STMP1: variants seen among roughly 807,000 people sequenced by gnomAD.
STMP1 encodes the protein mitolamban.
STMP1 carries 7 observed loss-of-function variants against 7.0 expected under a neutral mutation model. That is an observed-to-expected ratio of 1.01 (90% CI 0.57 to 1.89). The LOEUF (loss-of-function observed/expected upper bound fraction) is 1.89. Among genes scored for constraint, STMP1 ranks in the 40% most tolerant of loss-of-function variants. The pLI is 0.00. For synonymous variants in STMP1, 19 were observed against 18.4 expected, an observed-to-expected ratio of 1.03 and a Z score of -0.08; for missense variants, 45 against 53.0, an observed-to-expected ratio of 0.85 and a Z score of 0.47.
At position 135,674,153 on chromosome 7, in the gene STMP1, C is replaced by T. The variant is rs1024364288; in HGVS notation, c.132C>T (p.Pro44=). 2.7e-5 allele frequency: 42 copies of T among 1,550,136 alleles called. No individual in the cohort carries two copies. The highest frequency in any genetic ancestry group is 3.6e-5 in the Non-Finnish European group (41 of 1,146,678). ...IKKDLDAKKK[P]PSA ...AGGACTTGGATGCCAAGAAGAAACC[C>T]CCTAGTGCATGAGACTGCCTCCAGC... is the stretch of plus-strand genomic sequence containing the variant. Residue 44 remains proline (P), a synonymous_variant, in exon 3 of 3, where the codon CCC becomes CCT. Transcript: ENST00000507606.
rs184644668 is a variant in STMP1 at position 135,674,140 on chromosome 7, C to T, written c.119C>T (p.Ala40Val). ...GAAGAAATTAAAAAGGACTTGGATGCCAAGAAGAAACCCCCTAGTGCATGA... is the reference window on the plus strand; with the variant it reads ...GAAGAAATTAAAAAGGACTTGGATGTCAAGAAGAAACCCCCTAGTGCATGA... Reference protein sequence around the residue: ...KLEEIKKDLDAKKKPPSA With the variant: ...KLEEIKKDLDVKKKPPSA Residue 40 changes from alanine (A) to valine (V), a missense_variant, in exon 3 of 3, where the codon GCC becomes GTC. Physicochemically the swap from Ala to Val is moderately conservative, Grantham distance 64. Transcript: ENST00000507606. 17,954 of 1,550,434 alleles carry T rather than the reference C, an allele frequency of 0.012. 130 individuals are homozygous for T. The highest frequency in any genetic ancestry group is 0.014 in the Non-Finnish European group (15,487 of 1,146,454).
chr7:135,665,609 A>C (rs1223353852), intron 1 of STMP1: 1 of 147,066 alleles, frequency 6.8e-6, no homozygotes, highest in Non-Finnish European at 1.5e-5. Context: ...TTTTAAATGC[A>C]GTGCTTCAGA....
Position 135,672,774 on chromosome 7 carries a change from G to A in STMP1, c.37G>A (p.Val13Met), listed in dbSNP as rs1795370469. ...TCAGCTTGGATTTACACTGGGCAAC[G>A]TGGTTGGAATGTATCTGGCTCAGAA... ...QFLLGFTLGN[V>M]VGMYLAQNYD... The change falls in exon 2 of 3, where the codon GTG (valine) becomes ATG (methionine). Residue 13 changes from valine to methionine, a missense_variant. Transcript: ENST00000507606. 4 of 1,551,578 alleles carry A rather than the reference G, an allele frequency of 2.6e-6. No individual in the cohort carries two copies. The highest frequency in any genetic ancestry group is 2.6e-6 in the Non-Finnish European group (3 of 1,146,926).
Position 135,676,073 on chromosome 7 carries a change from C to G in STMP1, c.*1908C>G, listed in dbSNP as rs1046087838. On this transcript the variant is annotated 3_prime_UTR_variant, in exon 3 of 3. Transcript: ENST00000507606. ...CAAGTAGCTGGCATCACCACCACACCTGGCTAATTTTTGTATTTTTAGTAA... is the reference window on the plus strand; with the variant it reads ...CAAGTAGCTGGCATCACCACCACACGTGGCTAATTTTTGTATTTTTAGTAA... The G allele has an allele frequency of 2.0e-5, 3 of 152,096 alleles. No individual in the cohort carries two copies. Among genetic ancestry groups the G allele is most frequent in the Non-Finnish European group, 4.4e-5 (3 of 68,042 alleles). 9.4% of individuals were successfully genotyped at this position (152,096 alleles called of 1,614,324 possible). A position where few individuals can be genotyped will look rare whatever the true frequency, so the allele number is the denominator to read the frequency against.
chr7:135,672,777 G>T lies in STMP1; in HGVS notation c.40G>T (p.Val14Phe). ...GCTTGGATTTACACTGGGCAACGTG[G>T]TTGGAATGTATCTGGCTCAGAACTA... ...FLLGFTLGNVVGMYLAQNYDI... is the reference protein window; with the variant it reads ...FLLGFTLGNVFGMYLAQNYDI... The change falls in exon 2 of 3, where the codon GTT becomes TTT. Residue 14 changes from valine to phenylalanine, a missense_variant. By Grantham distance (50) the Val-to-Phe change is conservative (BLOSUM62 -1). Transcript: ENST00000507606. 6.4e-7 allele frequency: 1 copy of T among 1,551,640 alleles called. No individual in the cohort carries two copies. The highest frequency in any genetic ancestry group is 8.7e-7 in the Non-Finnish European group (1 of 1,146,950).
At chr7:135,665,770 C>G (rs994010434) in intron 1 of STMP1, 1 of 152,102 alleles carries the variant, frequency 6.6e-6, no homozygotes, top group South Asian at 2.1e-4. Flanking sequence ...CTGAGGGAAG[C>G]TACTGCTTCC....
chr7:135,663,779 C>T (rs1328082731), intron 1 of STMP1, among the ~76,000 whole-genome samples: 1 of 152,164 alleles, frequency 6.6e-6, no homozygotes, highest in Non-Finnish European at 1.5e-5. Context: ...CTCAGCCTCC[C>T]GAGTAGCTGG....
rs1300869461 is a variant in STMP1 at position 135,674,968 on chromosome 7, G to A, written c.*803G>A. ...TTTATACCTTTTCACATTAAAAAAG[G>A]TATTTATATTATTACTTTGTAGTGA... On this transcript the variant is annotated 3_prime_UTR_variant, in exon 3 of 3. Transcript: ENST00000507606. 1 of 152,048 alleles carries A rather than the reference G, an allele frequency of 6.6e-6. No homozygotes were observed. The highest frequency in any genetic ancestry group is 1.5e-5 in the Non-Finnish European group (1 of 68,004). 9.4% of individuals were successfully genotyped at this position (152,048 alleles called of 1,614,324 possible). A position where few individuals can be genotyped will look rare whatever the true frequency, so the allele number is the denominator to read the frequency against.
intron 1 of STMP1, among the ~76,000 whole-genome samples, chr7:135,670,283 A>T (rs1276753041): frequency 6.6e-6 from 1 of 152,146 alleles, no homozygotes; most frequent in Non-Finnish European, 1.5e-5. Flanking sequence ...AGGGAATACT[A>T]AGGGGTGACC....
intron 1 of STMP1, among the ~76,000 whole-genome samples, chr7:135,667,012 C>T (rs992835468): frequency 6.6e-5 from 10 of 152,192 alleles, no homozygotes; most frequent in Admixed American, 1.3e-4. Flanking sequence ...TCAATTTCTC[C>T]ACATCCTCGC....
In STMP1 at chr7:135,675,216, C is replaced by T. The variant is rs1795398726; in HGVS notation, c.*1051C>T. 6.6e-6 allele frequency: 1 copy of T among 152,086 alleles called. No homozygotes were observed. The highest frequency in any genetic ancestry group is 2.1e-4 in the South Asian group (1 of 4,822). The allele number at this position is 152,086 out of a possible 1,614,324, so 9.4% of individuals were successfully genotyped here. A position where few individuals can be genotyped will look rare whatever the true frequency, so the allele number is the denominator to read the frequency against. On this transcript the variant is annotated 3_prime_UTR_variant, in exon 3 of 3. Coordinates refer to ENST00000507606, the MANE Select transcript of STMP1 (RefSeq NM_001130929.2). ...ACAAAAGTAATTTCATATAAAGGGC[C>T]TCTCCCACCCCTGTTCTCTGGCTCC... is the stretch of plus-strand genomic sequence containing the variant.
chr7:135,671,204 T>G (rs1310745166), intron 1 of STMP1, among the ~76,000 whole-genome samples: 3 of 152,222 alleles, frequency 2.0e-5, no homozygotes, highest in Admixed American at 6.5e-5. Flanking sequence ...TGATTAGAGA[T>G]AAGATAGACT....
Position 135,674,114 on chromosome 7 carries a change from T to G in STMP1, c.93T>G (p.Leu31=). ...AGATACCAAACCTGGCTAAAAAACT[T>G]GAAGAAATTAAAAAGGACTTGGATG... is the stretch of plus-strand genomic sequence containing the variant. ...NYDIPNLAKK[L]EEIKKDLDAK... is the part of the protein sequence containing the mutation. Residue 31 remains leucine (L), a synonymous_variant, in exon 3 of 3, where the codon CTT becomes CTG. Transcript: ENST00000507606. The G allele has an allele frequency of 1.3e-6, 2 of 1,550,744 alleles. No homozygotes were observed. Among genetic ancestry groups the G allele is most frequent in the Non-Finnish European group, 1.7e-6 (2 of 1,146,732 alleles).
intron 2 of STMP1, chr7:135,673,169 G>T: frequency 4.1e-6 from 1 of 242,086 alleles, no homozygotes; most frequent in Non-Finnish European, 8.1e-6. Context: ...CCACTATCCA[G>T]TAGTAGAGAT....
chr7:135,666,771 T>C (rs953711664), intron 1 of STMP1, among the ~76,000 whole-genome samples: 1 of 152,266 alleles, frequency 6.6e-6, no homozygotes, highest in Non-Finnish European at 1.5e-5. Context: ...ATTTCACCAG[T>C]TGATGGACAT....
At chr7:135,663,089 C>T (rs772614256) in intron 1 of STMP1, among the ~76,000 whole-genome samples, 1 of 152,210 alleles carries the variant, frequency 6.6e-6, no homozygotes, top group Non-Finnish European at 1.5e-5. Flanking sequence ...AAGTCCTCAT[C>T]AGACCTTTCA....
intron 1 of STMP1, among the ~76,000 whole-genome samples, chr7:135,669,951 G>T (rs1181019460): frequency 6.6e-6 from 1 of 151,938 alleles, no homozygotes; most frequent in Non-Finnish European, 1.5e-5. Context: ...GATTCTTAGT[G>T]TACTCTCTAT....
chr7:135,667,280 G>A (rs561408879), intron 1 of STMP1, among the ~76,000 whole-genome samples: 11 of 152,156 alleles, frequency 7.2e-5, no homozygotes, highest in East Asian at 1.9e-4. Context: ...GTGCAGTCTC[G>A]GCTCACTGCA....
intron 2 of STMP1, among the ~76,000 whole-genome samples, chr7:135,673,459 C>T (rs533551992): frequency 6.6e-6 from 1 of 152,238 alleles, no homozygotes; most frequent in East Asian, 1.9e-4. Flanking sequence ...TGTCAACCTT[C>T]GTTTGAGTCA....
Sources: allele counts gnomAD v4.1 joint callset (sites outside exome capture counted in the v4.1 genomes callset), GRCh38; gene constraint gnomAD v4.1.1; transcripts MANE v1.5; gene names NCBI Gene and HGNC (gene_info 2026-07-23, HGNC 2026-07-21).